Variants in NOVA1 observed in about 807,000 individuals in gnomAD.
The protein encoded by NOVA1 is RNA-binding protein Nova-1.
Under a neutral mutation model 38.0 loss-of-function variants are expected in NOVA1, and 7 were observed. The ratio of observed to expected loss-of-function variants is 0.18; its 90% CI spans 0.10 to 0.35. NOVA1 has a LOEUF of 0.35. Among genes scored for constraint, NOVA1 ranks in the 10% least tolerant of loss-of-function variants. The pLI, the probability that NOVA1 is intolerant of heterozygous loss-of-function variation, is 1.00. For missense variants in NOVA1, 460 were observed against 616.0 expected, an observed-to-expected ratio of 0.75 and a Z score of 2.68; for synonymous variants, 270 against 232.5, an observed-to-expected ratio of 1.16 and a Z score of -1.47.
intron 2 of NOVA1, among the ~76,000 whole-genome samples, chr14:26,517,158 G>A (rs1888532075): frequency 6.6e-6 from 1 of 152,006 alleles, no homozygotes; most frequent in Admixed American, 6.6e-5. Context: ...GCCTGCCTCG[G>A]CCTCCCAAAA....
chr14:26,481,641 T>C (rs962443049), intron 2 of NOVA1, among the ~76,000 whole-genome samples: 3 of 152,090 alleles, frequency 2.0e-5, no homozygotes, highest in African/African-American at 7.2e-5. Context: ...TGGCTTTCAT[T>C]TGTAAGGGTG....
intron 2 of NOVA1, among the ~76,000 whole-genome samples, chr14:26,535,971 T>A (rs7160603): frequency 0.26 from 36,178 of 139,740 alleles, 5,285 homozygotes; most frequent in African/African-American, 0.42. Flanking sequence ...AAAGCGAGAC[T>A]CCGTCTCAAA....
chr14:26,567,750 T>A (rs1892222802), intron 2 of NOVA1, among the ~76,000 whole-genome samples: 1 of 152,198 alleles, frequency 6.6e-6, no homozygotes, highest in Non-Finnish European at 1.5e-5. Flanking sequence ...ATACATTAAA[T>A]CTGAAATAGT....
intron 2 of NOVA1, among the ~76,000 whole-genome samples, chr14:26,548,397 TTTAAC>T (rs1456481364): frequency 2.0e-5 from 3 of 152,112 alleles, no homozygotes; most frequent in African/African-American, 7.2e-5. Context: ...CACATTATAA[TTTAAC>T]TTATGACACA....
At chr14:26,527,793 A>G (rs1889410314) in intron 2 of NOVA1, among the ~76,000 whole-genome samples, 1 of 152,194 alleles carries the variant, frequency 6.6e-6, no homozygotes, top group Non-Finnish European at 1.5e-5. Context: ...CGATTTCTCA[A>G]ATGTACCCAA....
intron 2 of NOVA1, among the ~76,000 whole-genome samples, chr14:26,557,273 C>T (rs948930643): frequency 3.3e-5 from 5 of 152,146 alleles, no homozygotes; most frequent in Non-Finnish European, 7.4e-5. Context: ...ATATTACACA[C>T]CTATTAGAAC....
intron 2 of NOVA1, among the ~76,000 whole-genome samples, chr14:26,535,006 T>A (rs1889968577): frequency 6.6e-6 from 1 of 152,156 alleles, no homozygotes; most frequent in East Asian, 1.9e-4. Context: ...CCATCAGAAC[T>A]GAAACAGAAT....
chr14:26,491,093 G>A (rs61986466), intron 2 of NOVA1, among the ~76,000 whole-genome samples: 6,261 of 151,834 alleles, frequency 0.041, 188 homozygotes, highest in South Asian at 0.098. Flanking sequence ...CTCATGATCC[G>A]CCTGCCTCGG....
intron 2 of NOVA1, among the ~76,000 whole-genome samples, chr14:26,552,043 A>C (rs1891192236): frequency 6.6e-6 from 1 of 152,094 alleles, no homozygotes; most frequent in South Asian, 2.1e-4. Flanking sequence ...TTGCTAATAC[A>C]TATAAATTAA....
At chr14:26,456,591 AG>A (rs1342068682) in intron 4 of NOVA1, among the ~76,000 whole-genome samples, 1 of 152,034 alleles carries the variant, frequency 6.6e-6, no homozygotes, top group African/African-American at 2.4e-5. Flanking sequence ...TAAATCAGGG[AG>A]GGGGTAAACT....
intron 2 of NOVA1, among the ~76,000 whole-genome samples, chr14:26,527,563 T>A (rs1354937948): frequency 6.6e-6 from 1 of 151,478 alleles, no homozygotes; most frequent in African/African-American, 2.4e-5. Flanking sequence ...CAAGGATATG[T>A]GTGCTCTTGA....
Position 26,597,294 on chromosome 14 carries a change from T to A in NOVA1, c.136+7A>T. ...GGGGCCAGCGGGGAGGTGGAAGCGA[T>A]ACCCACCGCCCGTATTGGTCCTCTT... is the stretch of plus-strand genomic sequence containing the variant. On this transcript the variant is annotated splice_region_variant and intron_variant, in intron 1 of 4. Transcript: ENST00000539517. 8.0e-7 allele frequency: 1 copy of A among 1,244,032 alleles called. No individual in the cohort carries two copies. Among genetic ancestry groups the A allele is most frequent in the Non-Finnish European group, 1.0e-6 (1 of 987,656 alleles). The allele number at this position is 1,244,032 out of a possible 1,614,324, so 77.1% of individuals were successfully genotyped here.
intron 4 of NOVA1, among the ~76,000 whole-genome samples, chr14:26,464,149 T>C (rs1021425605): frequency 5.3e-5 from 8 of 152,188 alleles, no homozygotes; most frequent in African/African-American, 1.7e-4. Flanking sequence ...TTCTTTATCA[T>C]ACATTAAGTT....
intron 2 of NOVA1, among the ~76,000 whole-genome samples, chr14:26,489,713 G>A (rs991297220): frequency 6.6e-6 from 1 of 152,030 alleles, no homozygotes; most frequent in Non-Finnish European, 1.5e-5. Context: ...GTGCACGCCT[G>A]TAGTCCCAGC....
intron 2 of NOVA1, among the ~76,000 whole-genome samples, chr14:26,482,757 G>A (rs1885570264): frequency 6.6e-6 from 1 of 152,094 alleles, no homozygotes; most frequent in African/African-American, 2.4e-5. Flanking sequence ...GAGTGCAGTG[G>A]TGAGATCTTG....
At chr14:26,470,077 T>C (rs1884463433) in intron 4 of NOVA1, 8 of 476,938 alleles carry the variant, frequency 1.7e-5, no homozygotes, top group African/African-American at 2.0e-5. Flanking sequence ...ATAAAAAGTA[T>C]TTTTAAATAT....
chr14:26,516,754 T>C (rs1253199833), intron 2 of NOVA1, among the ~76,000 whole-genome samples: 1 of 152,214 alleles, frequency 6.6e-6, no homozygotes, highest in Non-Finnish European at 1.5e-5. Flanking sequence ...AACAGCACAC[T>C]GTCTCAATGG....
intron 2 of NOVA1, among the ~76,000 whole-genome samples, chr14:26,547,133 C>T (rs1890841187): frequency 1.3e-5 from 2 of 151,872 alleles, no homozygotes; most frequent in South Asian, 4.2e-4. Context: ...TAAGTATTTC[C>T]TTAAAGTTTA....
At position 26,447,924 on chromosome 14, in the gene NOVA1, A is replaced by G; in HGVS notation, c.*35T>C. 1 of 1,551,922 alleles carries G rather than the reference A, an allele frequency of 6.4e-7. No individual in the cohort carries two copies. The highest frequency in any genetic ancestry group is 8.9e-7 in the Non-Finnish European group (1 of 1,125,590). On this transcript the variant is annotated 3_prime_UTR_variant, in exon 5 of 5. Transcript: ENST00000539517. ...ATCCTTCTTGAAAATGGGGTAAAGG[A>G]GGGGTTAAAACAATCTGATGTGTAA...
Sources: gnomAD v4.1 joint callset for allele counts (sites outside exome capture counted in the v4.1 genomes callset) on GRCh38, gnomAD v4.1.1 for gene constraint, MANE v1.5 for transcripts, NCBI Gene and HGNC (gene_info 2026-07-23, HGNC 2026-07-21) for gene names.